The following PDE10A variants were observed in gnomAD, a reference collection of about 807,000 sequenced individuals.
PDE10A encodes the protein cAMP and cAMP-inhibited cGMP 3',5'-cyclic phosphodiesterase 10A.
A neutral mutation model predicts 97.7 loss-of-function variants in PDE10A; 39 were observed. The observed-to-expected ratio is 0.40, with a 90% CI of 0.31 to 0.52. The LOEUF (loss-of-function observed/expected upper bound fraction) is 0.52, where lower values mean the gene tolerates loss of function less well. Among genes scored for constraint, PDE10A ranks in the 20% least tolerant of loss-of-function variants. The pLI, the probability that PDE10A is intolerant of heterozygous loss-of-function variation, is 0.56. For missense variants in PDE10A, 731 were observed against 1,047.8 expected, an observed-to-expected ratio of 0.70 and a Z score of 4.17; for synonymous variants, 371 against 376.8, an observed-to-expected ratio of 0.98 and a Z score of 0.18.
chr6:165,612,281 A>G (rs1314766547), intron 1 of PDE10A, among the ~76,000 whole-genome samples: 1 of 152,202 alleles, frequency 6.6e-6, no homozygotes, highest in Non-Finnish European at 1.5e-5. Flanking sequence ...CCAACCCAAC[A>G]AAATATAAGC....
At chr6:165,888,938 G>T (rs951952304) in intron 1 of PDE10A, among the ~76,000 whole-genome samples, 2 of 152,166 alleles carry the variant, frequency 1.3e-5, no homozygotes, top group African/African-American at 4.8e-5. Context: ...CAGAGCTCAG[G>T]CAGTCAATCA....
intron 1 of PDE10A, among the ~76,000 whole-genome samples, chr6:165,727,785 A>T (rs935230778): frequency 6.6e-6 from 1 of 152,254 alleles, no homozygotes; most frequent in Non-Finnish European, 1.5e-5. Context: ...AACATAACTT[A>T]AATAATCATG....
intron 3 of PDE10A, among the ~76,000 whole-genome samples, chr6:165,480,148 G>C (rs914616324): frequency 6.6e-5 from 10 of 151,872 alleles, no homozygotes; most frequent in African/African-American, 2.2e-4. Context: ...ATAAAGTTTA[G>C]AAACTAAGAT....
At chr6:165,810,234 T>C (rs1280662506) in intron 1 of PDE10A, among the ~76,000 whole-genome samples, 2 of 152,352 alleles carry the variant, frequency 1.3e-5, no homozygotes, top group East Asian at 1.9e-4. Context: ...CTGCCCTTGC[T>C]GTCTGGAGTC....
At chr6:165,398,307 T>A (rs1298460845) in intron 13 of PDE10A, among the ~76,000 whole-genome samples, 1 of 152,230 alleles carries the variant, frequency 6.6e-6, no homozygotes, top group South Asian at 2.1e-4. Flanking sequence ...GGCGAAACCC[T>A]GTCTCTACTA....
intron 1 of PDE10A, among the ~76,000 whole-genome samples, chr6:165,636,723 A>AT (rs1788896917): frequency 6.6e-6 from 1 of 152,188 alleles, no homozygotes; most frequent in South Asian, 2.1e-4. Context: ...GCCCGAACAC[A>AT]TTTGTGAAGT....
chr6:165,522,276 G>C (rs1782173172), intron 2 of PDE10A, among the ~76,000 whole-genome samples: 1 of 152,136 alleles, frequency 6.6e-6, no homozygotes, highest in African/African-American at 2.4e-5. Flanking sequence ...TCAAGGAGGA[G>C]GGACTGCTCT....
intron 18 of PDE10A, among the ~76,000 whole-genome samples, chr6:165,374,728 T>C (rs1424980504): frequency 1.3e-5 from 2 of 151,258 alleles, no homozygotes; most frequent in Non-Finnish European, 1.5e-5. Context: ...TTTTGCCTGA[T>C]TGTGCTTCAT....
At chr6:165,725,450 A>G (rs904481796) in intron 1 of PDE10A, among the ~76,000 whole-genome samples, 8 of 152,144 alleles carry the variant, frequency 5.3e-5, no homozygotes, top group South Asian at 2.1e-4. Flanking sequence ...TGCTCCCCCT[A>G]GGGGTATGAG....
intron 2 of PDE10A, among the ~76,000 whole-genome samples, chr6:165,520,974 A>G (rs757827336): frequency 7.3e-5 from 11 of 149,756 alleles, no homozygotes; most frequent in Non-Finnish European, 1.6e-4. Flanking sequence ...CACAGATACT[A>G]TGGTTTTTTT....
rs1459285755 is a variant in PDE10A at position 165,423,850 on chromosome 6, G to A, written c.1653+4808C>T. ...CCTGACAGAGCGAGACTATGTCTCA[G>A]GAAAAAAAAAAAAAATTACCCAGAT... On this transcript the variant is annotated intron_variant, in intron 10 of 21. Transcript: ENST00000539869. Among the ~76,000 whole-genome samples the A allele has an allele frequency of 6.7e-5, 8 of 118,776 alleles. No homozygotes were observed. The East Asian group carries it at 1.6e-3, about 24-fold the overall frequency. 77.9% of individuals were successfully genotyped at this position (118,776 alleles called of 152,430 possible).
At chr6:165,688,703 C>T (rs945195249) in intron 1 of PDE10A, among the ~76,000 whole-genome samples, 4 of 152,180 alleles carry the variant, frequency 2.6e-5, no homozygotes, top group Admixed American at 2.0e-4. Flanking sequence ...GTTATGCTAC[C>T]TTTCAGGTGA....
intron 1 of PDE10A, among the ~76,000 whole-genome samples, chr6:165,619,997 A>G (rs1788048154): frequency 2.0e-5 from 3 of 152,162 alleles, no homozygotes; most frequent in Admixed American, 2.0e-4. Flanking sequence ...AGTAAACTTA[A>G]AAGTCTCAAC....
chr6:165,901,531 G>A (rs542491208), intron 1 of PDE10A, among the ~76,000 whole-genome samples: 15 of 152,308 alleles, frequency 9.8e-5, no homozygotes, highest in Non-Finnish European at 2.9e-5. Flanking sequence ...GGCCAGGCAC[G>A]GTGGTTCATG....
intron 1 of PDE10A, among the ~76,000 whole-genome samples, chr6:165,742,494 C>T (rs1281423310): frequency 1.3e-5 from 2 of 152,140 alleles, no homozygotes; most frequent in African/African-American, 4.8e-5. Flanking sequence ...GCCAAACCCC[C>T]ACTGCCCCAT....
intron 1 of PDE10A, among the ~76,000 whole-genome samples, chr6:165,570,292 A>C (rs1784989774): frequency 6.6e-6 from 1 of 152,204 alleles, no homozygotes; most frequent in Non-Finnish European, 1.5e-5. Flanking sequence ...GCATACAAAA[A>C]CAAAAACCAT....
chr6:165,804,890 T>G (rs1181033334), intron 1 of PDE10A, among the ~76,000 whole-genome samples: 21 of 101,254 alleles, frequency 2.1e-4, no homozygotes, highest in South Asian at 1.0e-3. Context: ...CGGAGGGGAG[T>G]GGGGCGTGGG....
chr6:165,906,008 CTTCCT>C (rs1782257635), intron 1 of PDE10A, among the ~76,000 whole-genome samples: 2 of 50,812 alleles, frequency 3.9e-5, no homozygotes, highest in Non-Finnish European at 7.4e-5. Flanking sequence ...TCCTTCCTTC[CTTCCT>C]TCCCTCCCTC....
chr6:165,953,318 C>T (rs1784026392), intron 1 of PDE10A, among the ~76,000 whole-genome samples: 1 of 152,198 alleles, frequency 6.6e-6, no homozygotes, highest in Non-Finnish European at 1.5e-5. Context: ...TGGCCAGGCA[C>T]AGTGGCTCAC....
Sources: gnomAD v4.1 joint callset for allele counts (sites outside exome capture counted in the v4.1 genomes callset) on GRCh38, gnomAD v4.1.1 for gene constraint, MANE v1.5 for transcripts, NCBI Gene and HGNC (gene_info 2026-07-23, HGNC 2026-07-21) for gene names.